TRIM33: variants seen among roughly 807,000 people sequenced by gnomAD.
TRIM33 encodes tripartite motif containing 33.
TRIM33 carries 20 observed loss-of-function variants against 125.4 expected under a neutral mutation model. The observed-to-expected ratio is 0.16, with a 90% CI of 0.11 to 0.23. The LOEUF (loss-of-function observed/expected upper bound fraction) is 0.23, where lower values mean the gene tolerates loss of function less well. TRIM33 is among the 10% of genes least tolerant of loss of function. TRIM33 has a pLI of 1.00. For synonymous variants in TRIM33, 564 were observed against 513.9 expected (o/e 1.10, Z -1.32); for missense variants, 920 against 1,411.4 (o/e 0.65, Z 5.58).
At chr1:114,476,504 A>G (rs924135670) in intron 1 of TRIM33, among the ~76,000 whole-genome samples, 1 of 149,988 alleles carries the variant, frequency 6.7e-6, no homozygotes, top group African/African-American at 2.5e-5. Context: ...TTAAAAAAAC[A>G]GAAGTATGAG....
intron 1 of TRIM33, among the ~76,000 whole-genome samples, chr1:114,480,479 A>T (rs1189830982): frequency 4.6e-5 from 3 of 65,640 alleles, no homozygotes; most frequent in African/African-American, 1.5e-4. Flanking sequence ...ATCAATTTAA[A>T]AAAAAAAAAA....
At chr1:114,463,071 G>C (rs760722262) in intron 4 of TRIM33, 33 bp downstream of exon 4, 3 of 1,532,700 alleles carry the variant, frequency 2.0e-6, no homozygotes, top group African/African-American at 2.8e-5. Context: ...ACTTTTTATA[G>C]TATTTCCTGG....
At chr1:114,492,505 A>C (rs755728175) in intron 1 of TRIM33, among the ~76,000 whole-genome samples, 2 of 152,078 alleles carry the variant, frequency 1.3e-5, no homozygotes, top group Non-Finnish European at 1.5e-5. Flanking sequence ...TTATCATCCC[A>C]AACAGAAACT....
chr1:114,436,359 A>G (rs543932818), intron 4 of TRIM33, among the ~76,000 whole-genome samples: 2 of 142,086 alleles, frequency 1.4e-5, no homozygotes, highest in East Asian at 2.1e-4. Context: ...CCAAGATCAC[A>G]CTACTGCACT....
At chr1:114,424,461 G>T in intron 10 of TRIM33, 130 bp downstream of exon 10, 1 of 693,744 alleles carries the variant, frequency 1.4e-6, no homozygotes, top group Non-Finnish European at 2.2e-6. Context: ...ATTTTTCTGG[G>T]ACAAGAGGAT....
At chr1:114,402,417 G>A (rs975562320) in intron 16 of TRIM33, among the ~76,000 whole-genome samples, 2 of 152,146 alleles carry the variant, frequency 1.3e-5, no homozygotes, top group African/African-American at 2.4e-5. Context: ...TTTCTAACCT[G>A]AGCAACAGAA....
intron 15 of TRIM33, chr1:114,404,660 A>G (rs1652118482): frequency 6.6e-6 from 1 of 152,176 alleles, no homozygotes; most frequent in Non-Finnish European, 1.5e-5. Flanking sequence ...ATCTCCAAAG[A>G]CTTAGGTAAG....
chr1:114,480,085 C>A (rs1165218030), intron 1 of TRIM33, among the ~76,000 whole-genome samples: 1 of 152,172 alleles, frequency 6.6e-6, no homozygotes, highest in Non-Finnish European at 1.5e-5. Context: ...GTTGCTGTGT[C>A]TGTGTAGAAA....
At position 114,510,635 on chromosome 1, in the gene TRIM33, A is replaced by T; in HGVS notation, c.442T>A (p.Ser148Thr). 1.3e-6 allele frequency: 2 copies of T among 1,566,134 alleles called. No homozygotes were observed. Among genetic ancestry groups the T allele is most frequent in the Non-Finnish European group, 1.7e-6 (2 of 1,162,888 alleles). ...TCGGGCAGGCAGCGCAGGCAGAAGG[A>T]GTGAAGACAGGGCAGCAGCTTGGGC... ...AEPKLLPCLH[S>T]FCLRCLPEPE... Residue 148 changes from serine (S) to threonine (T), a missense_variant, in exon 1 of 20, where the codon TCC becomes ACC. Ser to Thr is a moderately conservative substitution (Grantham distance 58). Around this residue, in one of 8 missense-constraint regions of TRIM33, gnomAD observed 75 missense variants for 123.9 expected, o/e 0.61. Transcript: ENST00000358465.
chr1:114,475,042 A>C (rs764162338), intron 1 of TRIM33, among the ~76,000 whole-genome samples: 4 of 152,220 alleles, frequency 2.6e-5, no homozygotes, highest in Non-Finnish European at 4.4e-5. Context: ...ATATGTGTAC[A>C]TAACAAGACA....
chr1:114,400,792 T>C (rs1027683670), intron 17 of TRIM33, among the ~76,000 whole-genome samples: 7 of 152,312 alleles, frequency 4.6e-5, no homozygotes, highest in Non-Finnish European at 8.8e-5. Flanking sequence ...CTTACCCCAC[T>C]TATTAGGCAC....
At position 114,460,903 on chromosome 1, in the gene TRIM33, G is replaced by C. The variant is rs751845485; in HGVS notation, c.923+2201C>G. Among the ~76,000 whole-genome samples, 3 of 152,102 alleles carry C rather than the reference G, an allele frequency of 2.0e-5. No homozygotes were observed. In the South Asian group the frequency reaches 6.2e-4, roughly 32 times the overall value. On this transcript the variant is annotated intron_variant, in intron 4 of 19. Transcript: ENST00000358465. Reference sequence around the variant, plus strand: ...AACCAATTAAGATCTTTAAATTGTCGTAATTGCTGTAATTTGTAATAAATT... The same window carrying C: ...AACCAATTAAGATCTTTAAATTGTCCTAATTGCTGTAATTTGTAATAAATT...
Position 114,510,618 on chromosome 1 carries a change from G to A in TRIM33, c.459C>T (p.Cys153=), listed in dbSNP as rs1653286504. The change falls in exon 1 of 20, where the codon TGC becomes TGT. Residue 153 remains cysteine, a synonymous_variant. Coordinates refer to ENST00000358465, the MANE Select transcript of TRIM33 (RefSeq NM_015906.4). The stretch of plus-strand genomic sequence containing the variant: ...TGAGCTGGCGCTCCGGCTCGGGCAG[G>A]CAGCGCAGGCAGAAGGAGTGAAGAC... ...LPCLHSFCLR[C]LPEPERQLSV... The A allele has an allele frequency of 1.3e-6, 2 of 1,561,924 alleles. No individual in the cohort carries two copies. The highest frequency in any genetic ancestry group is 1.4e-5 in the African/African-American group (1 of 73,568).
rs1186345262 is a variant in TRIM33 at position 114,394,173 on chromosome 1, T to A, written c.*3475A>T. 4.4e-6 allele frequency: 1 copy of A among 229,236 alleles called. No homozygotes were observed. Among genetic ancestry groups the A allele is most frequent in the Non-Finnish European group, 8.7e-6 (1 of 115,386 alleles). 14.2% of individuals were successfully genotyped at this position (229,236 alleles called of 1,614,324 possible). The stretch of plus-strand genomic sequence containing the variant: ...AAGGGAGTTGGGTGCGTGGATTTTT[T>A]ATAAAACTACTCACTGATCCGATGC... On this transcript the variant is annotated 3_prime_UTR_variant, in exon 20 of 20. Coordinates refer to ENST00000358465, the MANE Select transcript of TRIM33 (RefSeq NM_015906.4).
rs1651748663 is a variant in TRIM33, at chr1:114,399,627, T to C, written c.2968-18A>G. On this transcript the variant is annotated intron_variant, in intron 17 of 19. Transcript: ENST00000358465. ...TTTGGTATCTAAAATAAGCACATAA[T>C]GGCAAATAAGAATTCTCCAAAAATG... is the stretch of plus-strand genomic sequence containing the variant. 6 of 1,561,524 alleles carry C rather than the reference T, an allele frequency of 3.8e-6. No homozygotes were observed. Among genetic ancestry groups the C allele is most frequent in the South Asian group, 2.4e-5 (2 of 85,064 alleles).
At chr1:114,480,940 A>G (rs937159518) in intron 1 of TRIM33, among the ~76,000 whole-genome samples, 4 of 151,450 alleles carry the variant, frequency 2.6e-5, no homozygotes, top group Admixed American at 1.3e-4. Context: ...CTAACATCAG[A>G]AAAAAAAAGA....
chr1:114,444,878 T>C (rs1390086412), intron 4 of TRIM33, among the ~76,000 whole-genome samples: 1 of 152,180 alleles, frequency 6.6e-6, no homozygotes, highest in Admixed American at 6.5e-5. Flanking sequence ...GATGCTGTAA[T>C]GAGCTAAAAG....
At chr1:114,420,599 G>T in intron 11 of TRIM33, 1 of 408,804 alleles carries the variant, frequency 2.4e-6, no homozygotes. Context: ...AGGAATGCTG[G>T]TTTTAGCTAA....
chr1:114,452,942 C>T (rs999097981), intron 4 of TRIM33, among the ~76,000 whole-genome samples: 1 of 151,784 alleles, frequency 6.6e-6, no homozygotes, highest in African/African-American at 2.4e-5. Context: ...GAAGACCTGA[C>T]TGACTCAATA....
Sources: allele counts gnomAD v4.1 joint callset (sites outside exome capture counted in the v4.1 genomes callset), GRCh38; gene constraint gnomAD v4.1.1; regional missense constraint gnomAD v4.1.1; transcripts MANE v1.5; gene names NCBI Gene and HGNC (gene_info 2026-07-23, HGNC 2026-07-21).